The following ADAMTS12 variants were observed in gnomAD, a reference collection of about 807,000 sequenced individuals.
ADAMTS12 encodes the protein ADAM metallopeptidase with thrombospondin type 1 motif 12.
A neutral mutation model predicts 167.8 loss-of-function variants in ADAMTS12; 118 were observed. That is an observed-to-expected ratio of 0.70 (90% CI 0.61 to 0.82). The LOEUF (loss-of-function observed/expected upper bound fraction) is 0.82, where lower values mean the gene tolerates loss of function less well. Ranked by LOEUF, ADAMTS12 falls within the 40% of genes least tolerant of loss-of-function variation. ADAMTS12 has a pLI of 0.00. For missense variants in ADAMTS12, 1,916 were observed against 1,998.8 expected (o/e 0.96, Z 0.79); for synonymous variants, 704 against 716.9 (o/e 0.98, Z 0.29).
At chr5:33,738,301 C>A (rs1359745261) in intron 3 of ADAMTS12, among the ~76,000 whole-genome samples, 1 of 110,968 alleles carries the variant, frequency 9.0e-6, no homozygotes, top group African/African-American at 2.7e-5. Flanking sequence ...TTGGGACTGC[C>A]CTTTGATTTT....
At chr5:33,682,019 T>A (rs986462346) in intron 5 of ADAMTS12, among the ~76,000 whole-genome samples, 2 of 152,190 alleles carry the variant, frequency 1.3e-5, no homozygotes, top group African/African-American at 4.8e-5. Context: ...AAAATGATCA[T>A]CCATGGAGAA....
intron 19 of ADAMTS12, among the ~76,000 whole-genome samples, chr5:33,572,171 A>G (rs1229416712): frequency 6.6e-6 from 1 of 152,172 alleles, no homozygotes; most frequent in Non-Finnish European, 1.5e-5. Context: ...CCAGAGGTAC[A>G]AGGAGGAACT....
At chr5:33,656,362 A>C (rs1025394085) in intron 7 of ADAMTS12, among the ~76,000 whole-genome samples, 4 of 152,206 alleles carry the variant, frequency 2.6e-5, no homozygotes, top group Non-Finnish European at 5.9e-5. Flanking sequence ...GAAATCTGGA[A>C]GGAGGATCAT....
At chr5:33,883,049 C>T (rs527443950) in intron 1 of ADAMTS12, among the ~76,000 whole-genome samples, 33 of 152,282 alleles carry the variant, frequency 2.2e-4, no homozygotes, top group African/African-American at 7.5e-4. Flanking sequence ...CAAATCCTTC[C>T]TCTTTATTCT....
intron 2 of ADAMTS12, among the ~76,000 whole-genome samples, chr5:33,758,678 G>C (rs1467665247): frequency 6.6e-6 from 1 of 152,158 alleles, no homozygotes; most frequent in Non-Finnish European, 1.5e-5. Context: ...TGGCAGAAGG[G>C]TAGAGAGAAG....
intron 3 of ADAMTS12, among the ~76,000 whole-genome samples, chr5:33,736,505 G>C (rs1188343049): frequency 6.6e-6 from 1 of 152,150 alleles, no homozygotes; most frequent in Non-Finnish European, 1.5e-5. Context: ...GTGTTCATGG[G>C]CTTCCAATTC....
intron 14 of ADAMTS12, among the ~76,000 whole-genome samples, chr5:33,619,781 G>A (rs991014237): frequency 2.0e-5 from 3 of 152,074 alleles, no homozygotes; most frequent in Non-Finnish European, 2.9e-5. Flanking sequence ...TGCAACCTCC[G>A]CCTCTTGGGT....
intron 2 of ADAMTS12, among the ~76,000 whole-genome samples, chr5:33,800,174 G>A (rs552314886): frequency 2.6e-5 from 4 of 152,294 alleles, no homozygotes; most frequent in South Asian, 2.1e-4. Flanking sequence ...TCAATTTGGT[G>A]AATAGCTCAG....
chr5:33,849,430 G>GCACAGC lies in ADAMTS12; in HGVS notation c.489+31688_489+31689insGCTGTG, dbSNP rs1303374930. Among the ~76,000 whole-genome samples, 218 of 118,330 alleles carry GCACAGC rather than the reference G, an allele frequency of 1.8e-3. 28 individuals carry two copies. The highest frequency in any genetic ancestry group is 0.016 in the East Asian group (46 of 2,842). The allele number at this position is 118,330 out of a possible 152,430, so 77.6% of individuals were successfully genotyped here. A position where few individuals can be genotyped will look rare whatever the true frequency, so the allele number is the denominator to read the frequency against. ...TTGCACAGCAATATATATATGTATT[G>GCACAGC]AATAGCAATATATATATGTATTGCA... On this transcript the variant is annotated intron_variant, in intron 2 of 23. Coordinates refer to ENST00000504830, the MANE Select transcript of ADAMTS12 (RefSeq NM_030955.4).
At chr5:33,620,222 G>C (rs934025379) in intron 14 of ADAMTS12, among the ~76,000 whole-genome samples, 3 of 152,166 alleles carry the variant, frequency 2.0e-5, no homozygotes, top group African/African-American at 7.2e-5. Flanking sequence ...AGACCTTATG[G>C]TACATATCAA....
rs578056445 is a variant in ADAMTS12, at chr5:33,621,099, C to A, written c.2143+3132G>T. Reference sequence around the variant, plus strand: ...CTGGAGAAACTATTCCATCACTATCCCAGTCTTGAGCACATTGAGCTGAAA... The same window carrying A: ...CTGGAGAAACTATTCCATCACTATCACAGTCTTGAGCACATTGAGCTGAAA... On this transcript the variant is annotated intron_variant, in intron 14 of 23. Transcript: ENST00000504830. Among the ~76,000 whole-genome samples, 13 of 152,110 alleles carry A rather than the reference C, an allele frequency of 8.5e-5. No homozygotes were observed. The South Asian group carries it at 2.7e-3, about 32-fold the overall frequency.
chr5:33,768,106 A>T (rs1157293108), intron 2 of ADAMTS12, among the ~76,000 whole-genome samples: 1 of 152,222 alleles, frequency 6.6e-6, no homozygotes, highest in Admixed American at 6.5e-5. Context: ...AAGTTAGTTG[A>T]TAAAGAACAG....
rs1362805136 is a variant in ADAMTS12, at chr5:33,637,589, T to C, written c.1876A>G (p.Ile626Val). The change falls in exon 12 of 24, where the codon ATT (isoleucine) becomes GTT (valine). Residue 626 changes from isoleucine (I) to valine (V), a missense_variant. Transcript: ENST00000504830. ...TACAGCTCCTTACCTGGGTTAAAAA[T>C]GGGAAACCAGTGGTAGAGTTCATTC... is the stretch of plus-strand genomic sequence containing the variant. ...YKNELYHWFP[I>V]FNPAHPCELY... 1.2e-6 allele frequency: 2 copies of C among 1,613,038 alleles called. No homozygotes were observed. Among genetic ancestry groups the C allele is most frequent in the East Asian group, 2.2e-5 (1 of 44,844 alleles).
At chr5:33,713,737 T>G (rs992442814) in intron 3 of ADAMTS12, among the ~76,000 whole-genome samples, 4 of 152,148 alleles carry the variant, frequency 2.6e-5, no homozygotes, top group Admixed American at 1.3e-4. Context: ...CTTGTTTGGT[T>G]AGTCCACAAA....
intron 1 of ADAMTS12, among the ~76,000 whole-genome samples, chr5:33,887,756 C>CT (rs533866175): frequency 0.011 from 1,586 of 144,482 alleles, 21 homozygotes; most frequent in African/African-American, 0.031. Context: ...AGTAGTTATT[C>CT]TTTTTTTTTT....
At chr5:33,735,467 A>G (rs562091427) in intron 3 of ADAMTS12, among the ~76,000 whole-genome samples, 3 of 152,306 alleles carry the variant, frequency 2.0e-5, no homozygotes, top group South Asian at 4.1e-4. Context: ...AGGATATTAT[A>G]TGAGTACTTA....
At chr5:33,730,810 G>T (rs1416407428) in intron 3 of ADAMTS12, among the ~76,000 whole-genome samples, 1 of 152,194 alleles carries the variant, frequency 6.6e-6, no homozygotes, top group Non-Finnish European at 1.5e-5. Context: ...GCAACCCTTT[G>T]CATGGTCCTT....
At chr5:33,547,453 C>T (rs998249086) in intron 21 of ADAMTS12, among the ~76,000 whole-genome samples, 1 of 151,940 alleles carries the variant, frequency 6.6e-6, no homozygotes, top group African/African-American at 2.4e-5. Context: ...AATGCATCTG[C>T]CATGGAGGGT....
intron 13 of ADAMTS12, among the ~76,000 whole-genome samples, chr5:33,626,544 AATG>A (rs1347032280): frequency 2.5e-5 from 3 of 120,382 alleles, no homozygotes; most frequent in African/African-American, 9.9e-5. Flanking sequence ...ATTTAATGGT[AATG>A]ATGGTGGTGG....
Sources: gnomAD v4.1 joint callset for allele counts (sites outside exome capture counted in the v4.1 genomes callset) on GRCh38, gnomAD v4.1.1 for gene constraint, MANE v1.5 for transcripts, NCBI Gene and HGNC (gene_info 2026-07-23, HGNC 2026-07-21) for gene names.